Variants in C9orf85 observed in about 807,000 individuals in gnomAD.
The protein encoded by C9orf85 is chromosome 9 open reading frame 85, also known as uncharacterized protein C9orf85.
In C9orf85, 16 loss-of-function variants were observed where a neutral mutation model predicts 14.9. The ratio of observed to expected loss-of-function variants is 1.08; its 90% CI spans 0.73 to 1.63. The LOEUF (loss-of-function observed/expected upper bound fraction) is 1.63. Among genes scored for constraint, C9orf85 ranks in the 40% most tolerant of loss-of-function variants. The pLI, the probability that C9orf85 is intolerant of heterozygous loss-of-function variation, is 0.00. For synonymous variants in C9orf85, 45 were observed against 56.8 expected, an observed-to-expected ratio of 0.79 and a Z score of 0.93; for missense variants, 172 against 186.1, an observed-to-expected ratio of 0.92 and a Z score of 0.44.
chr9:71,979,374 C>G (rs1823057574), intron 3 of C9orf85, among the ~76,000 whole-genome samples: 1 of 152,184 alleles, frequency 6.6e-6, no homozygotes, highest in Admixed American at 6.5e-5. Flanking sequence ...AGTAGGGACT[C>G]TCTTCATGAT....
intron 1 of C9orf85, among the ~76,000 whole-genome samples, chr9:71,930,271 AAAC>A (rs1396803127): frequency 1.3e-5 from 2 of 152,146 alleles, no homozygotes; most frequent in Non-Finnish European, 2.9e-5. Context: ...CCAGAAACAT[AAAC>A]AACCAAGCAG....
At chr9:71,969,420 G>A (rs1822798064) in intron 2 of C9orf85, among the ~76,000 whole-genome samples, 1 of 152,134 alleles carries the variant, frequency 6.6e-6, no homozygotes, top group East Asian at 1.9e-4. Flanking sequence ...GGGAGTACCA[G>A]CATGAGCCAC....
At chr9:71,971,213 G>GAAACAA (rs1822852633) in intron 2 of C9orf85, among the ~76,000 whole-genome samples, 1 of 152,112 alleles carries the variant, frequency 6.6e-6, no homozygotes, top group African/African-American at 2.4e-5. Flanking sequence ...TCTTGGTAGT[G>GAAACAA]TATAGAAATA....
chr9:71,958,280 G>C (rs1822429540), intron 2 of C9orf85, among the ~76,000 whole-genome samples: 1 of 123,270 alleles, frequency 8.1e-6, no homozygotes, highest in South Asian at 2.5e-4. Context: ...TTTTTTTTTT[G>C]AGACGGAGTT....
intron 2 of C9orf85, among the ~76,000 whole-genome samples, chr9:71,950,402 C>G (rs1251290831): frequency 1.3e-5 from 2 of 151,928 alleles, no homozygotes; most frequent in Admixed American, 6.6e-5. Flanking sequence ...GAGTCTCACC[C>G]TGTTGCCCAG....
chr9:71,940,317 C>T (rs1049554247), intron 1 of C9orf85, among the ~76,000 whole-genome samples: 1 of 151,908 alleles, frequency 6.6e-6, no homozygotes, highest in Non-Finnish European at 1.5e-5. Context: ...GCATGCAATC[C>T]CAACTACATG....
At chr9:71,931,920 AGCTGCCTAGG>A (rs1445387480) in intron 1 of C9orf85, among the ~76,000 whole-genome samples, 1 of 152,172 alleles carries the variant, frequency 6.6e-6, no homozygotes, top group Non-Finnish European at 1.5e-5. Context: ...GGTTTGCTTT[AGCTGCCTAGG>A]GCAGTGGTTC....
At chr9:71,917,602 A>G (rs1383403422) in intron 1 of C9orf85, among the ~76,000 whole-genome samples, 1 of 152,232 alleles carries the variant, frequency 6.6e-6, no homozygotes. Context: ...GAGGCATGCA[A>G]TGGAATACTA....
chr9:71,982,745 C>T (rs1039083611), exon 4 of C9orf85: 1 of 354,688 alleles, frequency 2.8e-6, no homozygotes, highest in Non-Finnish European at 5.3e-6. Context: ...AAGTGATTCT[C>T]CTGCCTCAGC....
downstream of C9orf85, among the ~76,000 whole-genome samples, chr9:71,974,502 C>T (rs567612181): frequency 2.2e-3 from 337 of 152,226 alleles, 1 homozygote; most frequent in African/African-American, 7.6e-3. Flanking sequence ...CTTGGCCTCC[C>T]GAAATGCTGG....
intron 1 of C9orf85, among the ~76,000 whole-genome samples, chr9:71,914,803 T>C (rs1827603803): frequency 6.6e-6 from 1 of 152,224 alleles, no homozygotes; most frequent in South Asian, 2.1e-4. Flanking sequence ...CGCCGGGATT[T>C]GTAACCTCCT....
In C9orf85 at chr9:71,979,466, G is replaced by C. The variant is rs183078806; in HGVS notation, c.324-3191G>C. Among the ~76,000 whole-genome samples, 223 of 152,122 alleles carry C rather than the reference G, an allele frequency of 1.5e-3. 1 individual carries two copies. The highest frequency in any genetic ancestry group is 0.01 in the Middle Eastern group (3 of 294). On this transcript the variant is annotated intron_variant, in intron 3 of 3. Coordinates refer to the C9orf85 transcript ENST00000377031. ...GGGGGTTTTGTGGGCGTAGGAAGCAGGTAATCTTGAAACTCTTGGATGGAG... is the reference window on the plus strand; with the variant it reads ...GGGGGTTTTGTGGGCGTAGGAAGCACGTAATCTTGAAACTCTTGGATGGAG...
intron 2 of C9orf85, among the ~76,000 whole-genome samples, chr9:71,964,425 C>T (rs915657839): frequency 6.6e-6 from 1 of 152,116 alleles, no homozygotes; most frequent in Non-Finnish European, 1.5e-5. Context: ...CCTTTATAAG[C>T]TTTAACACTC....
chr9:71,976,291 C>A (rs1187166548), downstream of C9orf85, among the ~76,000 whole-genome samples: 24 of 152,170 alleles, frequency 1.6e-4, no homozygotes, highest in Non-Finnish European at 1.5e-5. Context: ...AGACTGCATT[C>A]ACATATTCTG....
At chr9:71,943,362 T>C (rs902985541) in intron 1 of C9orf85, among the ~76,000 whole-genome samples, 3 of 152,224 alleles carry the variant, frequency 2.0e-5, no homozygotes, top group African/African-American at 7.2e-5. Context: ...AAAATTATTT[T>C]AGTTGCTTTT....
chr9:71,922,916 TC>T (rs1253635423), intron 1 of C9orf85, among the ~76,000 whole-genome samples: 1 of 152,130 alleles, frequency 6.6e-6, no homozygotes, highest in African/African-American at 2.4e-5. Context: ...GATTACAAGG[TC>T]AGGAGTTTGA....
intron 1 of C9orf85, among the ~76,000 whole-genome samples, chr9:71,944,954 C>T (rs11143036): frequency 2.6e-5 from 4 of 152,262 alleles, no homozygotes; most frequent in African/African-American, 9.6e-5. Context: ...TTGATCCACC[C>T]TAAAGAAACC....
chr9:71,974,077 C>T (rs2132368693), downstream of C9orf85, among the ~76,000 whole-genome samples: 2 of 151,576 alleles, frequency 1.3e-5, no homozygotes, highest in Middle Eastern at 6.8e-3. Flanking sequence ...CAGGTGCCCG[C>T]CACCACGCCC....
intron 1 of C9orf85, among the ~76,000 whole-genome samples, chr9:71,938,112 A>G (rs1434019429): frequency 1.3e-5 from 2 of 152,258 alleles, no homozygotes; most frequent in East Asian, 3.9e-4. Flanking sequence ...CAAATAAGGT[A>G]TTTTTGAGGA....
Sources: allele counts gnomAD v4.1 joint callset (sites outside exome capture counted in the v4.1 genomes callset), GRCh38; gene constraint gnomAD v4.1.1; transcripts MANE v1.5; gene names NCBI Gene and HGNC (gene_info 2026-07-23, HGNC 2026-07-21).